Variants in RCAN2 observed in about 807,000 individuals in gnomAD.
The protein encoded by RCAN2 is calcipressin-2.
In RCAN2, 9 loss-of-function variants were observed where a neutral mutation model predicts 23.6. The observed-to-expected ratio is 0.38, with a 90% CI of 0.23 to 0.67. The LOEUF is 0.67. Ranked by LOEUF, RCAN2 falls within the 30% of genes least tolerant of loss-of-function variation. RCAN2 has a pLI of 0.51. For missense variants in RCAN2, 273 were observed against 302.3 expected, an observed-to-expected ratio of 0.90 and a Z score of 0.72; for synonymous variants, 109 against 115.7, an observed-to-expected ratio of 0.94 and a Z score of 0.37.
At chr6:46,334,496 A>G (rs1002191191) in intron 2 of RCAN2, among the ~76,000 whole-genome samples, 1 of 152,168 alleles carries the variant, frequency 6.6e-6, no homozygotes, top group Non-Finnish European at 1.5e-5. Flanking sequence ...TATAAAGGAG[A>G]GTGAACCTGA....
intron 2 of RCAN2, among the ~76,000 whole-genome samples, chr6:46,400,818 G>C (rs1766227676): frequency 6.6e-6 from 1 of 152,202 alleles, no homozygotes; most frequent in Non-Finnish European, 1.5e-5. Context: ...TGTAAGAAAA[G>C]AATGGCTGGG....
chr6:46,342,853 A>T (rs1223190992), intron 2 of RCAN2, among the ~76,000 whole-genome samples: 1 of 152,140 alleles, frequency 6.6e-6, no homozygotes. Flanking sequence ...ACAGCCAAAG[A>T]GTAAGTCTGT....
chr6:46,320,162 G>A (rs141354822), intron 2 of RCAN2, among the ~76,000 whole-genome samples: 1 of 152,306 alleles, frequency 6.6e-6, no homozygotes, highest in East Asian at 1.9e-4. Context: ...GCTCTGCAGA[G>A]CCATAGGTCA....
intron 2 of RCAN2, among the ~76,000 whole-genome samples, chr6:46,426,001 C>T (rs534797983): frequency 1.3e-5 from 2 of 150,810 alleles, no homozygotes; most frequent in South Asian, 4.2e-4. Flanking sequence ...CGGGTTCAAG[C>T]GATTCTCCTG....
rs546012195 is a variant in RCAN2, at chr6:46,489,320, C to A, written c.-3+1853G>T. On this transcript the variant is annotated intron_variant, in intron 1 of 4. Transcript: ENST00000371374. ...AAACACTCATGATGTTGAATCATTA[C>A]CATTTATTTTCTTCTCCTTTTCTGC... Among the ~76,000 whole-genome samples, 155 of 152,286 alleles carry A rather than the reference C, an allele frequency of 1.0e-3. 1 individual carries two copies. Among genetic ancestry groups the A allele is most frequent in the Non-Finnish European group, 1.5e-3 (105 of 68,026 alleles).
At chr6:46,240,324 TTC>T (rs1209827816) in intron 4 of RCAN2, among the ~76,000 whole-genome samples, 2 of 139,748 alleles carry the variant, frequency 1.4e-5, no homozygotes, top group African/African-American at 6.6e-5. Context: ...GTCATATGTC[TTC>T]TGTTTTTCTA....
rs147631977 is a variant in RCAN2, at chr6:46,313,015, C to T, written c.226-64119G>A. ...AGACCCAAACTCCTTCATAATGTGACCCCAGTTTCTGTGTAATACTACGTT... is the reference window on the plus strand; with the variant it reads ...AGACCCAAACTCCTTCATAATGTGATCCCAGTTTCTGTGTAATACTACGTT... On this transcript the variant is annotated intron_variant, in intron 2 of 4. Transcript: ENST00000371374. 5.4e-3 allele frequency among the ~76,000 whole-genome samples: 815 copies of T among 152,286 alleles called. 6 individuals carry two copies. The highest frequency in any genetic ancestry group is 0.018 in the African/African-American group (760 of 41,556).
chr6:46,356,411 G>A (rs557599451), intron 2 of RCAN2, among the ~76,000 whole-genome samples: 1 of 152,306 alleles, frequency 6.6e-6, no homozygotes, highest in South Asian at 2.1e-4. Context: ...GCTACCCTCT[G>A]AGATTTGGAC....
intron 2 of RCAN2, chr6:46,325,683 G>T: frequency 7.3e-7 from 1 of 1,368,224 alleles, no homozygotes; most frequent in Non-Finnish European, 9.4e-7. Flanking sequence ...GAACGGCCCG[G>T]CTCGCTCATG....
intron 2 of RCAN2, among the ~76,000 whole-genome samples, chr6:46,304,789 A>G (rs1182848238): frequency 6.6e-6 from 1 of 152,076 alleles, no homozygotes; most frequent in East Asian, 1.9e-4. Flanking sequence ...ACAGTTAACA[A>G]CCATCAAACA....
At chr6:46,321,388 T>C (rs1448794441) in intron 2 of RCAN2, among the ~76,000 whole-genome samples, 1 of 152,214 alleles carries the variant, frequency 6.6e-6, no homozygotes, top group Non-Finnish European at 1.5e-5. Context: ...TGGTAGGTAA[T>C]AAATGCTCCA....
intron 2 of RCAN2, among the ~76,000 whole-genome samples, chr6:46,287,867 A>G (rs1201196182): frequency 6.6e-6 from 1 of 152,204 alleles, no homozygotes; most frequent in Non-Finnish European, 1.5e-5. Context: ...TAAGATGGTG[A>G]TGATATCAGC....
intron 2 of RCAN2, among the ~76,000 whole-genome samples, chr6:46,309,666 G>A (rs1763190916): frequency 1.3e-5 from 2 of 152,154 alleles, no homozygotes; most frequent in South Asian, 4.1e-4. Flanking sequence ...TACCTGGAGT[G>A]GCTCAATTGG....
chr6:46,431,291 C>T (rs796486552), intron 2 of RCAN2, among the ~76,000 whole-genome samples: 1 of 152,194 alleles, frequency 6.6e-6, no homozygotes, highest in African/African-American at 2.4e-5. Context: ...CTGCAGCCTC[C>T]ACCTTCTGGG....
At chr6:46,387,573 G>A (rs1187852481) in intron 2 of RCAN2, among the ~76,000 whole-genome samples, 2 of 152,156 alleles carry the variant, frequency 1.3e-5, no homozygotes, top group Admixed American at 6.5e-5. Flanking sequence ...ACACCAGTTA[G>A]AATGGTGATC....
chr6:46,397,070 C>T (rs1022335219), intron 2 of RCAN2, among the ~76,000 whole-genome samples: 3 of 152,036 alleles, frequency 2.0e-5, no homozygotes, highest in African/African-American at 7.3e-5. Context: ...GAGATCACAC[C>T]ACTGCACTCC....
In RCAN2 at chr6:46,222,244, T is replaced by C. The variant is rs1765501008; in HGVS notation, c.*897A>G. 1.1e-5 allele frequency: 4 copies of C among 356,498 alleles called. No individual in the cohort carries two copies. Among genetic ancestry groups the C allele is most frequent in the East Asian group, 4.1e-5 (1 of 24,358 alleles). 22.1% of individuals were successfully genotyped at this position (356,498 alleles called of 1,614,324 possible). On this transcript the variant is annotated 3_prime_UTR_variant, in exon 5 of 5. Coordinates refer to ENST00000371374, the MANE Select transcript of RCAN2 (RefSeq NM_001251974.2). ...GCACATTATGTTTTGAAGCAGCTAA[T>C]TGTCGAACAATCACTAAATAAAAAA...
intron 2 of RCAN2, among the ~76,000 whole-genome samples, chr6:46,302,022 G>A (rs1744229358): frequency 6.6e-6 from 1 of 152,096 alleles, no homozygotes; most frequent in African/African-American, 2.4e-5. Flanking sequence ...CTGGATTATA[G>A]TACAGCAAGT....
chr6:46,247,841 G>A (rs536930525), intron 3 of RCAN2, among the ~76,000 whole-genome samples: 1 of 152,236 alleles, frequency 6.6e-6, no homozygotes, highest in South Asian at 2.1e-4. Context: ...TTGAGTACCT[G>A]TTTTAAATAC....
Sources: gnomAD v4.1 joint callset for allele counts (sites outside exome capture counted in the v4.1 genomes callset) on GRCh38, gnomAD v4.1.1 for gene constraint, MANE v1.5 for transcripts, NCBI Gene and HGNC (gene_info 2026-07-23, HGNC 2026-07-21) for gene names.